Variants in PLSCR4 observed in about 807,000 individuals in gnomAD.
The protein encoded by PLSCR4 is phospholipid scramblase 4, also known as Ca(2+)-dependent phospholipid scramblase 4.
PLSCR4 carries 25 observed loss-of-function variants against 36.3 expected under a neutral mutation model. The ratio of observed to expected loss-of-function variants is 0.69; its 90% CI spans 0.50 to 0.96. The LOEUF is 0.96. PLSCR4 is among the 40% of genes least tolerant of loss of function. The probability of loss-of-function intolerance (pLI) is 0.00; values close to 1 mark genes in which losing one functional copy is unlikely to be tolerated. For synonymous variants in PLSCR4, 122 were observed against 132.9 expected, an observed-to-expected ratio of 0.92 and a Z score of 0.56; for missense variants, 408 against 414.7, an observed-to-expected ratio of 0.98 and a Z score of 0.14.
intron 1 of PLSCR4, among the ~76,000 whole-genome samples, chr3:146,231,480 G>A (rs1433178976): frequency 6.6e-6 from 1 of 152,164 alleles, no homozygotes; most frequent in Non-Finnish European, 1.5e-5. Flanking sequence ...CCCACCAGCA[G>A]TATATAAGCA....
chr3:146,226,731 G>GATT (rs1286067432), intron 1 of PLSCR4, among the ~76,000 whole-genome samples: 1 of 152,098 alleles, frequency 6.6e-6, no homozygotes, highest in Non-Finnish European at 1.5e-5. Flanking sequence ...GTAAAGAAAA[G>GATT]TAACAGTTCT....
chr3:146,222,997 G>T (rs897050296), intron 1 of PLSCR4, among the ~76,000 whole-genome samples: 10 of 152,156 alleles, frequency 6.6e-5, no homozygotes, highest in Admixed American at 6.5e-4. Flanking sequence ...CATAGCCCAA[G>T]GTAACTGAGT....
intron 1 of PLSCR4, among the ~76,000 whole-genome samples, chr3:146,225,827 G>A (rs1439246042): frequency 6.6e-6 from 1 of 152,180 alleles, no homozygotes; most frequent in East Asian, 1.9e-4. Context: ...CTCCCTGCAA[G>A]CTGAGGGAGT....
intron 1 of PLSCR4, among the ~76,000 whole-genome samples, chr3:146,242,859 T>G (rs2036206170): frequency 1.3e-5 from 2 of 152,176 alleles, no homozygotes; most frequent in African/African-American, 4.8e-5. Flanking sequence ...TAAAGAACCC[T>G]ATGCCCCAAG....
intron 1 of PLSCR4, among the ~76,000 whole-genome samples, chr3:146,240,300 T>G (rs989891281): frequency 7.9e-5 from 12 of 151,230 alleles, no homozygotes; most frequent in African/African-American, 2.9e-4. Flanking sequence ...TTAAAAAAAA[T>G]GCGGATCAAA....
Position 146,195,260 on chromosome 3 carries a change from G to C in PLSCR4, c.809C>G (p.Ser270Cys). 1.2e-6 allele frequency: 2 copies of C among 1,613,574 alleles called. No homozygotes were observed. Among genetic ancestry groups the C allele is most frequent in the Non-Finnish European group, 1.7e-6 (2 of 1,179,596 alleles). Residue 270 changes from serine (S) to cysteine (C), a missense_variant, in exon 8 of 9, where the codon TCC (serine) becomes TGC (cysteine). Transcript: ENST00000354952. ...CTTCCGGATAATACTGCCGATGTTG[G>C]ATATGCCATCAAGGGATTTGACCTG... The part of the protein sequence containing the change: ...VFEVKSLDGI[S>C]NIGSIIRKWN...
Position 146,194,334 on chromosome 3 carries a change from C to A in PLSCR4, c.*77G>T. On this transcript the variant is annotated 3_prime_UTR_variant, in exon 9 of 9. Transcript: ENST00000354952. ...AGCAAAGAAATACACTTGCAAATAA[C>A]TGAGTGCTGACTGTAAGCCCAATCC... 2.2e-6 allele frequency: 2 copies of A among 927,532 alleles called. No homozygotes were observed. Among genetic ancestry groups the A allele is most frequent in the East Asian group, 2.4e-5 (1 of 41,612 alleles). 57.5% of individuals were successfully genotyped at this position (927,532 alleles called of 1,614,324 possible).
intron 1 of PLSCR4, among the ~76,000 whole-genome samples, chr3:146,224,858 TAC>T (rs2035372634): frequency 6.9e-6 from 1 of 145,636 alleles, no homozygotes; most frequent in African/African-American, 2.4e-5. Flanking sequence ...ATTAGTTAGA[TAC>T]AGAGTATGGA....
At chr3:146,230,147 G>C (rs2035650043) in intron 1 of PLSCR4, among the ~76,000 whole-genome samples, 1 of 152,094 alleles carries the variant, frequency 6.6e-6, no homozygotes, top group Admixed American at 6.5e-5. Context: ...GCAAATTCTG[G>C]GTGTTTAGAG....
intron 1 of PLSCR4, among the ~76,000 whole-genome samples, chr3:146,235,688 A>G (rs75087665): frequency 0.017 from 2,562 of 152,284 alleles, 78 homozygotes; most frequent in African/African-American, 0.058. Flanking sequence ...GAAGAAAAGA[A>G]GAAGATGAGG....
Position 146,214,282 on chromosome 3 carries a change from C to T in PLSCR4, c.118+6533G>A, listed in dbSNP as rs1308720570. ...GACTACAGGCGCCCGCCACTACGCC[C>T]GGCTAATTTTTTGTATTTTTAGTAG... On this transcript the variant is annotated intron_variant, in intron 3 of 8. Transcript: ENST00000354952. Among the ~76,000 whole-genome samples, 16 of 52,980 alleles carry T rather than the reference C, an allele frequency of 3.0e-4. 7 individuals carry two copies. Among genetic ancestry groups the T allele is most frequent in the Non-Finnish European group, 6.1e-4 (14 of 22,864 alleles). The allele number at this position is 52,980 out of a possible 152,430, so 34.8% of individuals were successfully genotyped here. A position where few individuals can be genotyped will look rare whatever the true frequency, so the allele number is the denominator to read the frequency against.
At chr3:146,216,792 C>T (rs73865355) in intron 3 of PLSCR4, among the ~76,000 whole-genome samples, 1,679 of 152,294 alleles carry the variant, frequency 0.011, 30 homozygotes, top group African/African-American at 0.038. Flanking sequence ...ATTGGCATCT[C>T]TAGCTAGCAG....
chr3:146,239,705 G>A (rs1706685), intron 1 of PLSCR4, among the ~76,000 whole-genome samples: 251 of 151,984 alleles, frequency 1.7e-3, no homozygotes, highest in African/African-American at 5.7e-3. Flanking sequence ...CCAACACGGA[G>A]AAACCCCACT....
intron 1 of PLSCR4, among the ~76,000 whole-genome samples, chr3:146,228,174 C>CT (rs2035557375): frequency 6.6e-6 from 1 of 152,154 alleles, no homozygotes; most frequent in African/African-American, 2.4e-5. Flanking sequence ...TTGTATAGCA[C>CT]TTAAAACAGT....
chr3:146,200,983 C>T, intron 5 of PLSCR4, 52 bp downstream of exon 5: 2 of 1,222,480 alleles, frequency 1.6e-6, no homozygotes, highest in Admixed American at 4.8e-5. Flanking sequence ...TTGGATAATG[C>T]AAATTTCCAT....
At chr3:146,240,869 T>C (rs1289867044) in intron 1 of PLSCR4, among the ~76,000 whole-genome samples, 1 of 152,110 alleles carries the variant, frequency 6.6e-6, no homozygotes, top group Non-Finnish European at 1.5e-5. Context: ...GAAATGAAAA[T>C]AAATGCCTTC....
intron 1 of PLSCR4, among the ~76,000 whole-genome samples, chr3:146,245,552 A>G (rs980146906): frequency 6.6e-6 from 1 of 152,092 alleles, no homozygotes; most frequent in Admixed American, 6.6e-5. Flanking sequence ...ACACATTATC[A>G]TGAAACATTA....
intron 4 of PLSCR4, among the ~76,000 whole-genome samples, chr3:146,201,861 AAAG>A (rs965774845): frequency 3.3e-5 from 5 of 152,080 alleles, no homozygotes; most frequent in Non-Finnish European, 7.4e-5. Context: ...TAGCAGAAGA[AAAG>A]AAACCTTCTT....
intron 2 of PLSCR4, 52 bp from the exon 3 acceptor site, chr3:146,220,977 A>G (rs1426883270): frequency 1.9e-6 from 2 of 1,071,670 alleles, no homozygotes; most frequent in Non-Finnish European, 2.8e-6. Context: ...TAATATAATG[A>G]CAAAATGTAT....
Sources: allele counts gnomAD v4.1 joint callset (sites outside exome capture counted in the v4.1 genomes callset), GRCh38; gene constraint gnomAD v4.1.1; transcripts MANE v1.5; gene names NCBI Gene and HGNC (gene_info 2026-07-23, HGNC 2026-07-21).